Variants in ZNF385C observed in about 807,000 individuals in gnomAD.
The protein encoded by ZNF385C is CTD-2132N18.2.
ZNF385C carries 28 observed loss-of-function variants against 35.4 expected under a neutral mutation model. That is an observed-to-expected ratio of 0.79 (90% confidence interval 0.59 to 1.08). The LOEUF is 1.08. Ranked by LOEUF, ZNF385C falls within the 50% of genes least tolerant of loss-of-function variation. The probability of loss-of-function intolerance (pLI) is 0.00; values close to 1 mark genes in which losing one functional copy is unlikely to be tolerated. For synonymous variants in ZNF385C, 248 were observed against 248.2 expected, an observed-to-expected ratio of 1.00 and a Z score of 0.01; for missense variants, 605 against 595.6, an observed-to-expected ratio of 1.02 and a Z score of -0.16.
Position 42,028,887 on chromosome 17 carries a change from C to T in ZNF385C, c.863G>A (p.Gly288Glu). Residue 288 changes from glycine to glutamate, a missense_variant, in exon 6 of 9, where the codon GGA (glycine) becomes GAA (glutamate). Physicochemically the swap from Gly to Glu is moderately conservative, Grantham distance 98. Transcript: ENST00000692273. ...PGPEPAAAAV[G>E]SSMSGEGRSE... is the part of the protein sequence containing the mutation. The stretch of plus-strand genomic sequence containing the variant: ...CCTGCCTTCCCCACTCATGCTGCTT[C>T]CCACGGCAGCTGCCGCTGGCTCAGG... The T allele has an allele frequency of 1.3e-6, 2 of 1,550,598 alleles. No homozygotes were observed. Among genetic ancestry groups the T allele is most frequent in the Non-Finnish European group, 1.7e-6 (2 of 1,146,996 alleles).
chr17:42,071,576 T>G (rs1021316643), intron 1 of ZNF385C, among the ~76,000 whole-genome samples: 2 of 152,164 alleles, frequency 1.3e-5, no homozygotes, highest in Non-Finnish European at 2.9e-5. Context: ...GGGTCCATAG[T>G]GGCAACACAG....
chr17:42,068,536 A>T (rs79663399), intron 1 of ZNF385C, among the ~76,000 whole-genome samples: 2,163 of 152,140 alleles, frequency 0.014, 51 homozygotes, highest in African/African-American at 0.05. Flanking sequence ...TGGGGGGGAT[A>T]GGGTTTGACT....
intron 1 of ZNF385C, among the ~76,000 whole-genome samples, chr17:42,072,202 TAAGAAA>T (rs2053634499): frequency 1.3e-5 from 2 of 152,066 alleles, no homozygotes; most frequent in African/African-American, 4.8e-5. Flanking sequence ...CTAAACTTCT[TAAGAAA>T]AGACGGTGGG....
chr17:42,086,739 A>G (rs868984269), intron 1 of ZNF385C, among the ~76,000 whole-genome samples: 4 of 151,522 alleles, frequency 2.6e-5, no homozygotes, highest in African/African-American at 9.7e-5. Context: ...ATATAAATAC[A>G]GAAAGAAAAA....
chr17:42,045,150 C>A (rs1189103490), intron 2 of ZNF385C, among the ~76,000 whole-genome samples: 1 of 152,244 alleles, frequency 6.6e-6, no homozygotes, highest in Admixed American at 6.5e-5. Flanking sequence ...ATCTCCTGAC[C>A]TTGTGATCCG....
intron 1 of ZNF385C, among the ~76,000 whole-genome samples, chr17:42,078,949 A>C (rs1347228633): frequency 1.3e-5 from 2 of 152,154 alleles, no homozygotes; most frequent in African/African-American, 4.8e-5. Flanking sequence ...TTCTCTTCAC[A>C]TCTTAGTTTC....
intron 2 of ZNF385C, among the ~76,000 whole-genome samples, chr17:42,048,707 C>T (rs539799678): frequency 6.6e-6 from 1 of 152,236 alleles, no homozygotes; most frequent in Admixed American, 6.5e-5. Flanking sequence ...CTTGTTGATT[C>T]TTCCTCCAAA....
intron 4 of ZNF385C, 124 bp downstream of exon 4, chr17:42,034,101 G>T: frequency 1.3e-6 from 1 of 774,634 alleles, no homozygotes; most frequent in Non-Finnish European, 2.2e-6. Context: ...CAGCCAGGGT[G>T]GAAAATACCG....
At chr17:42,071,321 GGA>G (rs1411849482) in intron 1 of ZNF385C, among the ~76,000 whole-genome samples, 2 of 152,172 alleles carry the variant, frequency 1.3e-5, no homozygotes, top group Non-Finnish European at 2.9e-5. Context: ...TCCAAGGGAG[GGA>G]GAGAGGGCAC....
chr17:42,035,542 CT>C (rs67173303), intron 3 of ZNF385C, among the ~76,000 whole-genome samples: 1,891 of 105,678 alleles, frequency 0.018, 24 homozygotes, highest in African/African-American at 0.062. Context: ...TGCTGACGAC[CT>C]TTTTTTTTTT....
rs560866244 is a variant in ZNF385C, at chr17:42,071,131, GC to G, written c.-2-8074del. ...CACCCCTGCTTTGCCAGAACAGGAG[GC>G]CCGGGGGCTAGGCAACAGCTGCTCC... On this transcript the variant is annotated intron_variant, in intron 1 of 8. Transcript: ENST00000692273. Among the ~76,000 whole-genome samples, 251 of 152,280 alleles carry G rather than the reference GC, an allele frequency of 1.6e-3. 3 individuals carry two copies. Among genetic ancestry groups the G allele is most frequent in the African/African-American group, 5.8e-3 (240 of 41,550 alleles).
rs116640589 is a variant in ZNF385C, at chr17:42,066,514, T to C, written c.-2-3456A>G. On this transcript the variant is annotated intron_variant, in intron 1 of 8. Transcript: ENST00000692273. ...ATCTATGTCACTCACTCTGTGTGCA[T>C]GTCGTAGTGTAGCTGTGCCATAGTG... Among the ~76,000 whole-genome samples, 364 of 152,284 alleles carry C rather than the reference T, an allele frequency of 2.4e-3. 1 individual carries two copies. The highest frequency in any genetic ancestry group is 8.4e-3 in the African/African-American group (348 of 41,552).
At chr17:42,039,951 G>T in intron 2 of ZNF385C, 1 of 1,231,196 alleles carries the variant, frequency 8.1e-7, no homozygotes, top group Non-Finnish European at 1.0e-6. Flanking sequence ...CGAAGTCGGG[G>T]AAGAGCTCGT....
intron 1 of ZNF385C, among the ~76,000 whole-genome samples, chr17:42,085,545 CA>C (rs1348602301): frequency 1.3e-5 from 2 of 151,148 alleles, no homozygotes; most frequent in African/African-American, 4.9e-5. Context: ...CTCAGCCTCC[CA>C]AAGTGCTAGG....
At chr17:42,049,359 C>A (rs1216974155) in intron 2 of ZNF385C, among the ~76,000 whole-genome samples, 3 of 152,020 alleles carry the variant, frequency 2.0e-5, no homozygotes, top group Admixed American at 2.0e-4. Context: ...GCTTCATCCT[C>A]TCTCCACCCC....
At chr17:42,044,012 C>A (rs71373483) in intron 2 of ZNF385C, among the ~76,000 whole-genome samples, 1 of 151,782 alleles carries the variant, frequency 6.6e-6, no homozygotes, top group Non-Finnish European at 1.5e-5. Context: ...CCACAGTCAT[C>A]TATTTCATCA....
chr17:42,035,314 T>C (rs1555655332), intron 3 of ZNF385C, among the ~76,000 whole-genome samples: 1 of 151,738 alleles, frequency 6.6e-6, no homozygotes, highest in African/African-American at 2.4e-5. Flanking sequence ...CATCTCTTGG[T>C]GCCCCTTAGG....
In ZNF385C at chr17:42,037,865, G is replaced by C. The variant is rs1274068015; in HGVS notation, c.271C>G (p.Pro91Ala). The change falls in exon 3 of 9, where the codon CCC (proline) becomes GCC (alanine). Residue 91 changes from proline to alanine, a missense_variant. By Grantham distance (27) the Pro-to-Ala change is conservative. Coordinates refer to ENST00000692273, the MANE Select transcript of ZNF385C (RefSeq NM_001392013.1). ...SGPAGPASGA[P>A]SPLLASLPLP... ...GGCAGGGAGGCCAGCAGGGGGCTGG[G>C]GGCGCCGGAGGCCGGGCCTGCTGCA... 1 of 1,521,796 alleles carries C rather than the reference G, an allele frequency of 6.6e-7. No homozygotes were observed. The highest frequency in any genetic ancestry group is 1.4e-5 in the African/African-American group (1 of 72,534). 94.3% of individuals were successfully genotyped at this position (1,521,796 alleles called of 1,614,324 possible). A position where few individuals can be genotyped will look rare whatever the true frequency, so the allele number is the denominator to read the frequency against.
At chr17:42,097,041 G>A (rs2053926053) in intron 1 of ZNF385C, among the ~76,000 whole-genome samples, 1 of 151,350 alleles carries the variant, frequency 6.6e-6, no homozygotes, top group African/African-American at 2.4e-5. Context: ...CCTGCAGATC[G>A]GCTTTGCTGT....
Sources: allele counts gnomAD v4.1 joint callset (sites outside exome capture counted in the v4.1 genomes callset), GRCh38; gene constraint gnomAD v4.1.1; transcripts MANE v1.5; gene names NCBI Gene and HGNC (gene_info 2026-07-23, HGNC 2026-07-21).